ASH1L: variants seen among roughly 807,000 people sequenced by gnomAD.
The protein encoded by ASH1L is ASH1 like histone lysine methyltransferase, also known as histone-lysine N-methyltransferase ASH1L.
A neutral mutation model predicts 269.0 loss-of-function variants in ASH1L; 23 were observed. That is an observed-to-expected ratio of 0.09 (90% CI 0.06 to 0.12). The LOEUF is 0.12. ASH1L is among the 10% of genes least tolerant of loss of function. The probability of loss-of-function intolerance (pLI) is 1.00; values close to 1 mark genes in which losing one functional copy is unlikely to be tolerated. For synonymous variants in ASH1L, 1,187 were observed against 1,253.5 expected (o/e 0.95, Z 1.12); for missense variants, 2,912 against 3,567.8 (o/e 0.82, Z 4.68).
At chr1:155,367,972 TTA>T (rs879404171) in intron 12 of ASH1L, among the ~76,000 whole-genome samples, 1 of 152,180 alleles carries the variant, frequency 6.6e-6, no homozygotes, top group Non-Finnish European at 1.5e-5. Flanking sequence ...AGCAAAGAGT[TTA>T]TAAGTGGTAC....
At chr1:155,471,226 A>G (rs1277001598) in intron 3 of ASH1L, among the ~76,000 whole-genome samples, 1 of 152,238 alleles carries the variant, frequency 6.6e-6, no homozygotes, top group Non-Finnish European at 1.5e-5. Flanking sequence ...TCAAGTAAAG[A>G]ATATAGCTGG....
intron 2 of ASH1L, among the ~76,000 whole-genome samples, chr1:155,507,066 T>TGAG (rs2148809626): frequency 6.6e-6 from 1 of 152,320 alleles, no homozygotes; most frequent in African/African-American, 2.4e-5. Context: ...GCAGGCCACC[T>TGAG]GAGGTCAGGA....
intron 10 of ASH1L, among the ~76,000 whole-genome samples, chr1:155,377,966 T>C (rs957885053): frequency 1.1e-4 from 16 of 150,278 alleles, no homozygotes; most frequent in African/African-American, 3.9e-4. Flanking sequence ...GAGCTTGCAG[T>C]GAGCCGAGAT....
Position 155,433,372 on chromosome 1 carries a change from C to G in ASH1L, c.5828+4955G>C, listed in dbSNP as rs754607518. 3.6e-5 allele frequency: 57 copies of G among 1,597,626 alleles called. 1 individual carries two copies. The East Asian group carries it at 1.3e-3, about 36-fold the overall frequency. On this transcript the variant is annotated intron_variant, in intron 5 of 27. Transcript: ENST00000392403. ...AGGTGTGGGGGATTCCCCCATGCCC[C>G]CCGCTGTATGAGTTCTGTGGGGGGA... is the stretch of plus-strand genomic sequence containing the variant.
intron 1 of ASH1L, among the ~76,000 whole-genome samples, chr1:155,526,472 G>C (rs1463663275): frequency 6.6e-6 from 1 of 152,084 alleles, no homozygotes; most frequent in African/African-American, 2.4e-5. Flanking sequence ...ATCACAGCTA[G>C]TCTAAGAAAA....
At position 155,343,994 on chromosome 1, in the gene ASH1L, A is replaced by G. The variant is rs566546926; in HGVS notation, c.7981+189T>C. On this transcript the variant is annotated intron_variant, in intron 22 of 27. Transcript: ENST00000392403. The surrounding 1 kb of genome is among the most constrained non-coding windows in gnomAD (Gnocchi z 6.1). ...TTAAAATTAGCTTTGTAACATGTCT[A>G]TCATTTCAAATTAGTATTATTTGGT... Among the ~76,000 whole-genome samples, 1 of 152,338 alleles carries G rather than the reference A, an allele frequency of 6.6e-6. No individual in the cohort carries two copies. The highest frequency in any genetic ancestry group is 1.5e-5 in the Non-Finnish European group (1 of 68,030).
At chr1:155,499,462 T>C (rs1667366752) in intron 2 of ASH1L, among the ~76,000 whole-genome samples, 1 of 152,206 alleles carries the variant, frequency 6.6e-6, no homozygotes, top group African/African-American at 2.4e-5. Context: ...ATGTACTCAG[T>C]GATTTTGACT....
intron 7 of ASH1L, among the ~76,000 whole-genome samples, chr1:155,389,586 T>C (rs1657738707): frequency 6.6e-6 from 1 of 151,826 alleles, no homozygotes; most frequent in African/African-American, 2.4e-5. Context: ...GGTGCAAGAA[T>C]TGCTTGAACC....
chr1:155,370,972 G>C lies in ASH1L; in HGVS notation c.6344C>G (p.Ala2115Gly). 1 of 1,613,922 alleles carries C rather than the reference G, an allele frequency of 6.2e-7. No homozygotes were observed. The highest frequency in any genetic ancestry group is 8.5e-7 in the Non-Finnish European group (1 of 1,179,978). The change falls in exon 11 of 28, where the codon GCT (alanine) becomes GGT (glycine). Residue 2115 changes from alanine to glycine, a missense_variant. By Grantham distance (60) the Ala-to-Gly change is moderately conservative. Coordinates refer to ENST00000392403, the MANE Select transcript of ASH1L (RefSeq NM_018489.3). ...VDDCLNRMIFAECSPNTCPCG... is the reference protein window; with the variant it reads ...VDDCLNRMIFGECSPNTCPCG... ...TGGGCAAGTGTTGGGGGAACACTCA[G>C]CAAAGATCATTCTAGAAAAAAAAGG...
At chr1:155,382,632 A>C (rs530004208) in intron 7 of ASH1L, among the ~76,000 whole-genome samples, 5 of 152,320 alleles carry the variant, frequency 3.3e-5, no homozygotes, top group African/African-American at 1.2e-4. Flanking sequence ...CTGCCCCTGA[A>C]GACCTTTCAG....
At chr1:155,428,724 C>T (rs368309511) in intron 5 of ASH1L, among the ~76,000 whole-genome samples, 11 of 152,344 alleles carry the variant, frequency 7.2e-5, no homozygotes, top group East Asian at 5.8e-4. Flanking sequence ...ACTGGCCAAA[C>T]CCATCCCTTT....
intron 2 of ASH1L, among the ~76,000 whole-genome samples, chr1:155,494,260 T>C (rs1030655458): frequency 8.5e-5 from 13 of 152,230 alleles, no homozygotes; most frequent in Admixed American, 2.0e-4. Flanking sequence ...CAGGAGCTTG[T>C]CTGTTTAAAG....
intron 5 of ASH1L, 74 bp downstream of exon 5, chr1:155,438,253 C>T: frequency 7.2e-7 from 1 of 1,393,506 alleles, no homozygotes; most frequent in Non-Finnish European, 9.6e-7. Flanking sequence ...TGAAATAATT[C>T]AGCTATAGAG....
intron 1 of ASH1L, among the ~76,000 whole-genome samples, chr1:155,537,057 G>C (rs528251553): frequency 5.5e-4 from 82 of 149,238 alleles, no homozygotes; most frequent in Non-Finnish European, 1.0e-3. Flanking sequence ...AAAAAAAAAA[G>C]GGAAAAAAGA....
intron 2 of ASH1L, 85 bp from the exon 3 acceptor site, chr1:155,482,534 A>G: frequency 7.3e-7 from 1 of 1,362,016 alleles, no homozygotes; most frequent in Non-Finnish European, 1.0e-6. Context: ...AAACTAATGG[A>G]TCACATATCA....
chr1:155,551,655 G>A (rs113076495), intron 1 of ASH1L, among the ~76,000 whole-genome samples: 198 of 119,344 alleles, frequency 1.7e-3, no homozygotes, highest in African/African-American at 6.3e-3. Context: ...GCGAGACTCC[G>A]TCTCAAAAAA....
intron 12 of ASH1L, among the ~76,000 whole-genome samples, chr1:155,362,190 A>G (rs1401112948): frequency 6.6e-6 from 1 of 151,982 alleles, no homozygotes; most frequent in South Asian, 2.1e-4. Flanking sequence ...ACGTGCCACC[A>G]CGCCCAGCTA....
chr1:155,440,262 C>T (rs1186020217), intron 4 of ASH1L, among the ~76,000 whole-genome samples: 1 of 152,034 alleles, frequency 6.6e-6, no homozygotes, highest in Non-Finnish European at 1.5e-5. Flanking sequence ...GAGCTATGAT[C>T]ACGCCACTGC....
At chr1:155,352,654 AAAAG>A in intron 17 of ASH1L, 48 bp downstream of exon 17, 3 of 1,519,394 alleles carry the variant, frequency 2.0e-6, no homozygotes, top group Non-Finnish European at 2.6e-6. Flanking sequence ...ATTTAAAAAA[AAAAG>A]AAAAAGAAAA....
Sources: allele counts gnomAD v4.1 joint callset (sites outside exome capture counted in the v4.1 genomes callset), GRCh38; gene constraint gnomAD v4.1.1; non-coding constraint Gnocchi (gnomAD v3.1); transcripts MANE v1.5; gene names NCBI Gene and HGNC (gene_info 2026-07-23, HGNC 2026-07-21).